Variants in VRK2 observed in about 807,000 individuals in gnomAD.
VRK2 encodes serine/threonine-protein kinase VRK2.
In VRK2, 60 loss-of-function variants were observed where a neutral mutation model predicts 57.6. The ratio of observed to expected loss-of-function variants is 1.04; its 90% CI spans 0.85 to 1.29. The LOEUF (loss-of-function observed/expected upper bound fraction) is 1.29, where lower values mean the gene tolerates loss of function less well. Among genes scored for constraint, VRK2 ranks in the 50% most tolerant of loss-of-function variants. VRK2 has a pLI of 0.00. For missense variants in VRK2, 705 were observed against 588.1 expected (o/e 1.20, Z -2.06); for synonymous variants, 231 against 199.2 (o/e 1.16, Z -1.35).
At chr2:58,060,435 G>A (rs1214792573) in intron 2 of VRK2, among the ~76,000 whole-genome samples, 1 of 151,746 alleles carries the variant, frequency 6.6e-6, no homozygotes, top group African/African-American at 2.4e-5. Flanking sequence ...CTGAAAGAGG[G>A]AGTTAAATTT....
At chr2:57,953,927 T>G (rs571839827) in intron 1 of VRK2, among the ~76,000 whole-genome samples, 145 of 152,288 alleles carry the variant, frequency 9.5e-4, no homozygotes, top group Non-Finnish European at 1.5e-3. Flanking sequence ...ATAGATAATA[T>G]TACTTAAGAT....
At chr2:58,052,079 G>T (rs1233918833) in intron 2 of VRK2, among the ~76,000 whole-genome samples, 1 of 152,124 alleles carries the variant, frequency 6.6e-6, no homozygotes, top group Admixed American at 6.6e-5. Context: ...GTAAATTACG[G>T]GAGAATTGCA....
intron 2 of VRK2, among the ~76,000 whole-genome samples, chr2:58,054,023 G>A (rs1676145050): frequency 6.6e-6 from 1 of 152,050 alleles, no homozygotes; most frequent in South Asian, 2.1e-4. Context: ...TGGACTTACA[G>A]ACAAGAAATA....
intron 12 of VRK2, among the ~76,000 whole-genome samples, chr2:58,156,146 C>A (rs1283371307): frequency 6.6e-6 from 1 of 152,048 alleles, no homozygotes; most frequent in East Asian, 1.9e-4. Context: ...GGATGCCCCT[C>A]ACTTTGATTT....
chr2:58,146,108 T>G (rs180970055), intron 11 of VRK2, among the ~76,000 whole-genome samples: 246 of 152,066 alleles, frequency 1.6e-3, no homozygotes, highest in African/African-American at 5.7e-3. Context: ...GACACTAATT[T>G]TAATTGGTTT....
intron 3 of VRK2, among the ~76,000 whole-genome samples, chr2:58,038,718 T>C (rs1674352203): frequency 6.6e-6 from 1 of 152,142 alleles, no homozygotes; most frequent in Non-Finnish European, 1.5e-5. Context: ...CCTACAAGTC[T>C]AACTTCTTTG....
At chr2:58,137,188 TG>T (rs1316830687) in intron 10 of VRK2, among the ~76,000 whole-genome samples, 5,139 of 74,394 alleles carry the variant, frequency 0.069, 594 homozygotes, top group African/African-American at 0.23. Flanking sequence ...ATATCATATA[TG>T]ATACATATAT....
intron 1 of VRK2, among the ~76,000 whole-genome samples, chr2:57,943,912 A>T (rs995979332): frequency 6.6e-6 from 1 of 152,202 alleles, no homozygotes; most frequent in Admixed American, 6.5e-5. Context: ...CAACAATTCA[A>T]TTCTGCCATT....
intron 12 of VRK2, among the ~76,000 whole-genome samples, chr2:58,158,290 G>A (rs1415942746): frequency 1.3e-5 from 2 of 152,182 alleles, no homozygotes; most frequent in Non-Finnish European, 2.9e-5. Flanking sequence ...CTGCATTAAT[G>A]TGACTTCGTT....
In VRK2 at chr2:58,060,119, C is replaced by CCAA. The variant is rs374818709; in HGVS notation, c.136+11165_136+11167dup. ...GATAGTAGAAGAAAAAGTAGTAAAA[C>CCAA]CAACAACAACAACAAAAAAATCCCA... On this transcript the variant is annotated intron_variant, in intron 2 of 12. Coordinates refer to ENST00000340157, the MANE Select transcript of VRK2 (RefSeq NM_006296.7). Among the ~76,000 whole-genome samples, 394 of 151,474 alleles carry CCAA rather than the reference C, an allele frequency of 2.6e-3. 4 individuals are homozygous for CCAA. The highest frequency in any genetic ancestry group is 9.2e-3 in the African/African-American group (380 of 41,352).
intron 1 of VRK2, among the ~76,000 whole-genome samples, chr2:57,946,145 T>C (rs1671255169): frequency 6.6e-6 from 1 of 152,106 alleles, no homozygotes; most frequent in Non-Finnish European, 1.5e-5. Context: ...TCTTAAAGTC[T>C]AGATATAGTT....
Position 57,989,190 on chromosome 2 carries a change from C to T in VRK2, c.-438-36475C>T, listed in dbSNP as rs556367090. ...CTTCAGTGGTGGCTCACTACTCTGT[C>T]TAATTTCAGTCTTTGTTTCTGGCAC... On this transcript the variant is annotated intron_variant, in intron 1 of 15. Transcript: ENST00000417641. Among the ~76,000 whole-genome samples the T allele has an allele frequency of 1.6e-4, 25 of 152,294 alleles. 2 individuals are homozygous for T. Among genetic ancestry groups the T allele is most frequent in the African/African-American group, 5.8e-4 (24 of 41,574 alleles).
chr2:57,960,019 G>A (rs1558513397), intron 1 of VRK2, among the ~76,000 whole-genome samples: 1 of 142,302 alleles, frequency 7.0e-6, no homozygotes, highest in Non-Finnish European at 1.5e-5. Context: ...GTGTGTGTGT[G>A]TGAATTAGAT....
intron 1 of VRK2, among the ~76,000 whole-genome samples, chr2:57,963,526 T>A (rs774817979): frequency 7.2e-5 from 11 of 152,266 alleles, no homozygotes; most frequent in Non-Finnish European, 1.2e-4. Context: ...ATAGGATTTT[T>A]AAAAAAAATT....
intron 5 of VRK2, among the ~76,000 whole-genome samples, chr2:58,086,974 TCC>T: frequency 6.6e-6 from 1 of 152,194 alleles, no homozygotes. Flanking sequence ...ACTAGATAGA[TCC>T]ATTGGTCCTG....
intron 2 of VRK2, among the ~76,000 whole-genome samples, chr2:58,070,905 C>T (rs1470176058): frequency 1.3e-5 from 2 of 152,106 alleles, no homozygotes; most frequent in African/African-American, 2.4e-5. Flanking sequence ...TTCAAAGTGG[C>T]TGTACTATTT....
chr2:58,058,756 A>T (rs963027527), intron 2 of VRK2, among the ~76,000 whole-genome samples: 2 of 152,050 alleles, frequency 1.3e-5, no homozygotes, highest in Non-Finnish European at 1.5e-5. Context: ...AGTGCATTGC[A>T]TGAATTATTT....
intron 9 of VRK2, among the ~76,000 whole-genome samples, chr2:58,132,378 G>A (rs749253856): frequency 6.6e-6 from 1 of 152,116 alleles, no homozygotes; most frequent in East Asian, 1.9e-4. Flanking sequence ...CTTGGAGGAA[G>A]TATGTTTTCT....
intron 9 of VRK2, among the ~76,000 whole-genome samples, chr2:58,132,172 T>A (rs1209364414): frequency 2.0e-5 from 3 of 152,256 alleles, no homozygotes; most frequent in African/African-American, 7.2e-5. Context: ...TCTGTTCTTT[T>A]ACATGGTATT....
Sources: gnomAD v4.1 joint callset for allele counts (sites outside exome capture counted in the v4.1 genomes callset) on GRCh38, gnomAD v4.1.1 for gene constraint, MANE v1.5 for transcripts, NCBI Gene and HGNC (gene_info 2026-07-23, HGNC 2026-07-21) for gene names.